The following SH3PXD2B variants were observed in gnomAD, a reference collection of about 807,000 sequenced individuals.
SH3PXD2B encodes SH3 and PX domains 2B, also known as SH3 and PX domain-containing protein 2B.
A neutral mutation model predicts 73.1 loss-of-function variants in SH3PXD2B; 37 were observed. The observed-to-expected ratio is 0.51, with a 90% CI of 0.39 to 0.67. The LOEUF (loss-of-function observed/expected upper bound fraction) is 0.67. Ranked by LOEUF, SH3PXD2B falls within the 30% of genes least tolerant of loss-of-function variation. The pLI, the probability that SH3PXD2B is intolerant of heterozygous loss-of-function variation, is 0.00. For missense variants in SH3PXD2B, 1,053 were observed against 1,197.8 expected (o/e 0.88, Z 1.78); for synonymous variants, 457 against 480.5 (o/e 0.95, Z 0.64).
At chr5:172,452,348 C>G (rs1759815366) in intron 1 of SH3PXD2B, among the ~76,000 whole-genome samples, 1 of 152,196 alleles carries the variant, frequency 6.6e-6, no homozygotes, top group African/African-American at 2.4e-5. Flanking sequence ...AAGGATGGAG[C>G]TGACACAGCA....
At chr5:172,431,987 G>A (rs1401242622) in intron 1 of SH3PXD2B, among the ~76,000 whole-genome samples, 2 of 152,050 alleles carry the variant, frequency 1.3e-5, no homozygotes, top group Non-Finnish European at 2.9e-5. Flanking sequence ...GACCAGCCTG[G>A]CCAACATGGT....
At chr5:172,384,973 C>T (rs1298575129) in intron 4 of SH3PXD2B, among the ~76,000 whole-genome samples, 1 of 152,206 alleles carries the variant, frequency 6.6e-6, no homozygotes, top group Non-Finnish European at 1.5e-5. Flanking sequence ...CTTTAAGTAG[C>T]TCCTGCTCTG....
chr5:172,375,274 C>T (rs1005322951), intron 5 of SH3PXD2B, among the ~76,000 whole-genome samples: 5 of 152,078 alleles, frequency 3.3e-5, no homozygotes, highest in African/African-American at 4.8e-5. Flanking sequence ...GCAGGAGAAT[C>T]GCTTGAACCT....
At chr5:172,373,896 CTG>C (rs1308277852) in intron 5 of SH3PXD2B, 81 bp from the exon 6 acceptor site, 2 of 1,483,988 alleles carry the variant, frequency 1.3e-6, no homozygotes, top group African/African-American at 1.4e-5. Context: ...TGCCGGGAAA[CTG>C]AGATTCTCCA....
rs113412530 is a variant in SH3PXD2B at position 172,362,766 on chromosome 5, C to T, written c.531G>A (p.Gln177=). The part of the protein sequence containing the change: ...ESSEISLSVG[Q]VVDIIEKNES... Reference sequence around the variant, plus strand: ...CATTCTTCTCGATGATGTCCACCACCTGCCCCACGCTGAGGCTGATCTCCG... The same window carrying T: ...CATTCTTCTCGATGATGTCCACCACTTGCCCCACGCTGAGGCTGATCTCCG... Residue 177 remains glutamine (Q), a synonymous_variant, in exon 7 of 13, where the codon CAG becomes CAA. Transcript: ENST00000311601. The T allele has an allele frequency of 1.1e-5, 17 of 1,614,132 alleles. No homozygotes were observed. The African/African-American group carries it at 1.2e-4, about 11-fold the overall frequency.
chr5:172,435,166 C>G (rs916636823), intron 1 of SH3PXD2B, among the ~76,000 whole-genome samples: 1 of 152,212 alleles, frequency 6.6e-6, no homozygotes, highest in Non-Finnish European at 1.5e-5. Context: ...TGATTTTTCT[C>G]TTTCTTTTGA....
At chr5:172,376,613 T>C (rs1757827904) in intron 5 of SH3PXD2B, among the ~76,000 whole-genome samples, 1 of 151,656 alleles carries the variant, frequency 6.6e-6, no homozygotes, top group Non-Finnish European at 1.5e-5. Flanking sequence ...CGCAGCAGAG[T>C]CTGGCCAGGT....
intron 12 of SH3PXD2B, among the ~76,000 whole-genome samples, chr5:172,343,528 C>T (rs115409566): frequency 8.5e-4 from 130 of 152,280 alleles, no homozygotes; most frequent in Middle Eastern, 6.8e-3. Flanking sequence ...AAGCCGGGTG[C>T]GGTGGCTCAC....
chr5:172,362,768 G>T lies in SH3PXD2B; in HGVS notation c.529C>A (p.Gln177Lys), dbSNP rs779245304. The T allele has an allele frequency of 6.2e-7, 1 of 1,614,102 alleles. No homozygotes were observed. Among genetic ancestry groups the T allele is most frequent in the Admixed American group, 1.7e-5 (1 of 60,016 alleles). ...TTCTTCTCGATGATGTCCACCACCT[G>T]CCCCACGCTGAGGCTGATCTCCGAA... ...ESSEISLSVGQVVDIIEKNES... is the reference protein window; with the variant it reads ...ESSEISLSVGKVVDIIEKNES... The change falls in exon 7 of 13, where the codon CAG becomes AAG. Residue 177 changes from glutamine to lysine, a missense_variant. Around this residue, in one of 2 missense-constraint regions of SH3PXD2B, gnomAD observed 466 missense variants for 607.1 expected, o/e 0.77. Coordinates refer to ENST00000311601, the MANE Select transcript of SH3PXD2B (RefSeq NM_001017995.3).
At chr5:172,386,254 G>T (rs1758057694) in intron 4 of SH3PXD2B, among the ~76,000 whole-genome samples, 1 of 152,170 alleles carries the variant, frequency 6.6e-6, no homozygotes, top group South Asian at 2.1e-4. Context: ...GTGGTTGTAT[G>T]GTTTCCATCA....
At chr5:172,449,605 G>C (rs2113521847) in intron 1 of SH3PXD2B, among the ~76,000 whole-genome samples, 1 of 152,322 alleles carries the variant, frequency 6.6e-6, no homozygotes, top group African/African-American at 2.4e-5. Flanking sequence ...ATTCACGGAA[G>C]AGGAAACTCA....
chr5:172,354,441 A>G (rs1010961360), intron 8 of SH3PXD2B, among the ~76,000 whole-genome samples: 2 of 152,180 alleles, frequency 1.3e-5, no homozygotes, highest in African/African-American at 4.8e-5. Flanking sequence ...GAGCTCCAGG[A>G]AGGCAGTTCT....
rs1369088736 is a variant in SH3PXD2B, at chr5:172,411,800, T to G, written c.157-5448A>C. ...TTAGTAGTCTGTAAGGCTGTGTGGT[T>G]TTTTTTTTTTAATCGTGTTAAATAT... On this transcript the variant is annotated intron_variant, in intron 2 of 12. Transcript: ENST00000311601. Among the ~76,000 whole-genome samples the G allele has an allele frequency of 3.1e-5, 4 of 129,596 alleles. No individual in the cohort carries two copies. The East Asian group carries it at 5.9e-4, about 19-fold the overall frequency. The allele number at this position is 129,596 out of a possible 152,430, so 85.0% of individuals were successfully genotyped here.
intron 1 of SH3PXD2B, among the ~76,000 whole-genome samples, chr5:172,437,294 TC>T (rs1208857658): frequency 2.6e-5 from 4 of 152,160 alleles, no homozygotes; most frequent in Admixed American, 2.0e-4. Context: ...CTGTTGACTG[TC>T]CCCAGCTTTG....
At position 172,411,454 on chromosome 5, in the gene SH3PXD2B, T is replaced by TTAA. The variant is rs33929469; in HGVS notation, c.157-5103_157-5102insTTA. Among the ~76,000 whole-genome samples the TTAA allele has an allele frequency of 6.0e-4, 33 of 54,674 alleles. No individual in the cohort carries two copies. The East Asian group carries it at 0.047, about 77-fold the overall frequency. The allele number at this position is 54,674 out of a possible 152,430, so 35.9% of individuals were successfully genotyped here. On this transcript the variant is annotated intron_variant, in intron 2 of 12. Coordinates refer to ENST00000311601, the MANE Select transcript of SH3PXD2B (RefSeq NM_001017995.3). Reference sequence around the variant, plus strand: ...AAGGAGCTGAAAGGCCTCCCTTTGTTTTATTTGTTGGAGGTGGCAGATCTG... The same window carrying TTAA: ...AAGGAGCTGAAAGGCCTCCCTTTGTTTAATTATTTGTTGGAGGTGGCAGATCTG...
chr5:172,379,794 G>A (rs756167034), intron 5 of SH3PXD2B, among the ~76,000 whole-genome samples: 11 of 152,210 alleles, frequency 7.2e-5, no homozygotes, highest in Non-Finnish European at 1.3e-4. Context: ...CAGAAGCAAA[G>A]TGAGGGAGGC....
intron 1 of SH3PXD2B, among the ~76,000 whole-genome samples, chr5:172,431,335 AACACTAG>A (rs2113482652): frequency 6.6e-6 from 1 of 152,368 alleles, no homozygotes; most frequent in Non-Finnish European, 1.5e-5. Context: ...CCGTGCTCCA[AACACTAG>A]GTCTGCAGAG....
At chr5:172,364,333 A>T (rs924766238) in intron 6 of SH3PXD2B, among the ~76,000 whole-genome samples, 3 of 152,154 alleles carry the variant, frequency 2.0e-5, no homozygotes, top group African/African-American at 7.2e-5. Context: ...CCTATAAATC[A>T]TTAAAATATC....
intron 2 of SH3PXD2B, among the ~76,000 whole-genome samples, chr5:172,419,607 G>A (rs1020875499): frequency 6.6e-6 from 1 of 152,214 alleles, no homozygotes; most frequent in African/African-American, 2.4e-5. Context: ...GAGATCCTGA[G>A]GCTACAAGGA....
Sources: gnomAD v4.1 joint callset for allele counts (sites outside exome capture counted in the v4.1 genomes callset) on GRCh38, gnomAD v4.1.1 for gene constraint, gnomAD v4.1.1 regional missense constraint, MANE v1.5 for transcripts, NCBI Gene and HGNC (gene_info 2026-07-23, HGNC 2026-07-21) for gene names.